PLCH1: variants seen among roughly 807,000 people sequenced by gnomAD.
PLCH1 encodes the protein 1-phosphatidylinositol 4,5-bisphosphate phosphodiesterase eta-1.
PLCH1 carries 60 observed loss-of-function variants against 126.7 expected under a neutral mutation model. The observed-to-expected ratio is 0.47, with a 90% confidence interval of 0.38 to 0.59. The LOEUF (loss-of-function observed/expected upper bound fraction) is 0.59, where lower values mean the gene tolerates loss of function less well. PLCH1 is among the 20% of genes least tolerant of loss of function. The pLI, the probability that PLCH1 is intolerant of heterozygous loss-of-function variation, is 0.00. For synonymous variants in PLCH1, 719 were observed against 734.9 expected (o/e 0.98, Z 0.35); for missense variants, 1,723 against 2,040.0 (o/e 0.84, Z 2.99).
chr3:155,527,854 A>T (rs1312295971), intron 10 of PLCH1, among the ~76,000 whole-genome samples: 1 of 150,658 alleles, frequency 6.6e-6, no homozygotes, highest in African/African-American at 2.4e-5. Context: ...TGGGAGGCAG[A>T]AGTTGCAGTG....
Position 155,485,623 on chromosome 3 carries a change from G to A in PLCH1, c.2707C>T (p.Arg903Ter). ...CGCAGAATTCTATCTCCAATGGATC[G>A]CTTCCGTACATAATGGGAATTGTTT... ...SENNSHYVRK[R>*]SIGDRILRRT... Residue 903 changes from arginine to a stop codon, truncating the protein, a stop_gained, in exon 22 of 23, where the codon CGA becomes TGA. Transcript: ENST00000460012. LOFTEE classifies it high-confidence loss of function. 2 of 1,612,748 alleles carry A rather than the reference G, an allele frequency of 1.2e-6. No individual in the cohort carries two copies. Among genetic ancestry groups the A allele is most frequent in the Non-Finnish European group, 1.7e-6 (2 of 1,179,918 alleles).
intron 12 of PLCH1, 53 bp downstream of exon 12, chr3:155,514,670 T>G (rs2108239812): frequency 1.8e-4 from 209 of 1,164,606 alleles, no homozygotes; most frequent in Non-Finnish European, 2.2e-4. Context: ...AAACAAAGTA[T>G]GAGATGCTTT....
intron 18 of PLCH1, 76 bp downstream of exon 18, chr3:155,492,653 C>G (rs1716396660): frequency 7.5e-7 from 1 of 1,342,122 alleles, no homozygotes; most frequent in Non-Finnish European, 1.0e-6. Context: ...TCTCTGAAGA[C>G]ATTTCGGATA....
At chr3:155,493,739 G>A (rs369720336) in intron 17 of PLCH1, among the ~76,000 whole-genome samples, 1 of 152,126 alleles carries the variant, frequency 6.6e-6, no homozygotes, top group African/African-American at 2.4e-5. Context: ...CTGAGTAAAA[G>A]GGCTTGATAA....
At chr3:155,573,233 C>G (rs2108550145) in intron 6 of PLCH1, among the ~76,000 whole-genome samples, 1 of 152,252 alleles carries the variant, frequency 6.6e-6, no homozygotes, top group African/African-American at 2.4e-5. Flanking sequence ...CATTGGTAAG[C>G]CTTGGTTATT....
In PLCH1 at chr3:155,493,911, C is replaced by G. The variant is rs141167156; in HGVS notation, c.2182+230G>C. On this transcript the variant is annotated intron_variant, in intron 17 of 22. Transcript: ENST00000460012. ...ATGCTATCCATGTCCCTCTTTCACA[C>G]ACGACCTCTCAAGATAACATTCTAA... is the stretch of plus-strand genomic sequence containing the variant. 5.3e-5 allele frequency among the ~76,000 whole-genome samples: 8 copies of G among 152,288 alleles called. No homozygotes were observed. The East Asian group carries it at 1.5e-3, about 29-fold the overall frequency.
intron 5 of PLCH1, 93 bp from the exon 6 acceptor site, chr3:155,583,735 C>A (rs942333053): frequency 1.2e-6 from 1 of 837,192 alleles, no homozygotes. Context: ...AGAGCTAGTA[C>A]ACAAATCCCA....
Position 155,640,093 on chromosome 3 carries a change from C to A in PLCH1, c.80-43715G>T, listed in dbSNP as rs528708351. On this transcript the variant is annotated intron_variant, in intron 2 of 22. Coordinates refer to ENST00000460012, the MANE Select transcript of PLCH1 (RefSeq NM_014996.4). ...GTACTCCTTTATAGCAATGTGAGAA[C>A]GGACTTATACAAACCTCTATCTCTG... Among the ~76,000 whole-genome samples the A allele has an allele frequency of 4.6e-5, 7 of 152,298 alleles. No individual in the cohort carries two copies. In the East Asian group the frequency reaches 1.4e-3, roughly 29 times the overall value.
At chr3:155,479,832 A>T (rs903962417), downstream of PLCH1, 18 of 152,198 alleles carry the variant, frequency 1.2e-4, no homozygotes, top group African/African-American at 3.6e-4. Flanking sequence ...TGAGTGCTTT[A>T]ACTCAATAGT....
Position 155,513,274 on chromosome 3 carries a change from A to C in PLCH1, c.1632+1449T>G, listed in dbSNP as rs376527172. 2.6e-4 allele frequency among the ~76,000 whole-genome samples: 40 copies of C among 152,306 alleles called. No individual in the cohort carries two copies. In the East Asian group the frequency reaches 5.2e-3, roughly 20 times the overall value. On this transcript the variant is annotated intron_variant, in intron 12 of 22. Coordinates refer to ENST00000460012, the MANE Select transcript of PLCH1 (RefSeq NM_014996.4). ...ACATAGCAGTGTTAAAAACCTCAAA[A>C]ATAAGTAAAAAGGAGATGAGTTTTG...
At chr3:155,619,680 T>C (rs1380893779) in intron 2 of PLCH1, among the ~76,000 whole-genome samples, 1 of 151,990 alleles carries the variant, frequency 6.6e-6, no homozygotes, top group Non-Finnish European at 1.5e-5. Context: ...CCTACCCCCA[T>C]CCAAAGCCTC....
At position 155,482,868 on chromosome 3, in the gene PLCH1, G is replaced by A; in HGVS notation, c.3158C>T (p.Pro1053Leu). Residue 1053 changes from proline (P) to leucine (L), a missense_variant, in exon 23 of 23, where the codon CCT (proline) becomes CTT (leucine). Physicochemically the swap from Pro to Leu is moderately conservative, Grantham distance 98 (BLOSUM62 -3). Coordinates refer to ENST00000460012, the MANE Select transcript of PLCH1 (RefSeq NM_014996.4). ...VTGEQLGMSS[P>L]RGGRTTSNAT... ...ATTTGATGTGGTTCTCCCACCCCTA[G>A]GACTTGACATGCCCAGCTGTTCTCC... 1 of 1,614,146 alleles carries A rather than the reference G, an allele frequency of 6.2e-7. No individual in the cohort carries two copies. Among genetic ancestry groups the A allele is most frequent in the Non-Finnish European group, 8.5e-7 (1 of 1,180,022 alleles).
Position 155,481,421 on chromosome 3 carries a change from G to A in PLCH1, c.4605C>T (p.Thr1535=), listed in dbSNP as rs374800898. 189 of 1,614,024 alleles carry A rather than the reference G, an allele frequency of 1.2e-4. No homozygotes were observed. Among genetic ancestry groups the A allele is most frequent in the Middle Eastern group, 3.3e-4 (2 of 6,084 alleles). ...AGGACACAAGCTTCCGAAGCTGCTC[G>A]GTCAGGGCATCTATAGGCTCTAACG... is the stretch of plus-strand genomic sequence containing the variant. ...TKSLEPIDAL[T]EQLRKLVSFD... The change falls in exon 23 of 23, where the codon ACC becomes ACT. Residue 1535 remains threonine (T), a synonymous_variant. Transcript: ENST00000460012. The surrounding 1 kb of genome is among the most constrained non-coding windows in gnomAD (Gnocchi z 4.2).
intron 2 of PLCH1, among the ~76,000 whole-genome samples, chr3:155,676,763 A>C (rs1397737617): frequency 1.3e-5 from 2 of 152,146 alleles, no homozygotes; most frequent in South Asian, 2.1e-4. Context: ...CACAGAAAAG[A>C]CTGGAATGTT....
chr3:155,639,465 A>T (rs148661836), intron 2 of PLCH1, among the ~76,000 whole-genome samples: 65 of 152,278 alleles, frequency 4.3e-4, no homozygotes, highest in Non-Finnish European at 8.5e-4. Context: ...TGTCTCAAAA[A>T]ATAAATAAAT....
At chr3:155,653,444 C>A (rs1052606904) in intron 2 of PLCH1, among the ~76,000 whole-genome samples, 1 of 152,178 alleles carries the variant, frequency 6.6e-6, no homozygotes, top group African/African-American at 2.4e-5. Context: ...TTATGGCCCT[C>A]TTTACCCAGT....
At chr3:155,574,412 C>G (rs1729658586) in intron 6 of PLCH1, among the ~76,000 whole-genome samples, 1 of 152,308 alleles carries the variant, frequency 6.6e-6, no homozygotes, top group Non-Finnish European at 1.5e-5. Context: ...TCAGGGGCTT[C>G]CCCTGGGCAA....
intron 6 of PLCH1, among the ~76,000 whole-genome samples, chr3:155,571,488 C>A (rs1042538542): frequency 2.5e-4 from 38 of 152,192 alleles, no homozygotes; most frequent in Non-Finnish European, 1.8e-4. Context: ...GCAACCTCTG[C>A]TTACCGCGTT....
In PLCH1 at chr3:155,660,841, T is replaced by C. The variant is rs182568139; in HGVS notation, c.79+43305A>G. On this transcript the variant is annotated intron_variant, in intron 2 of 22. Transcript: ENST00000460012. ...CTTTTCCTATGTATCTCAGGATGAGTGACTCCCCTAGAGTGACTTCATAGG... is the reference window on the plus strand; with the variant it reads ...CTTTTCCTATGTATCTCAGGATGAGCGACTCCCCTAGAGTGACTTCATAGG... 3.4e-3 allele frequency among the ~76,000 whole-genome samples: 522 copies of C among 152,300 alleles called. 4 individuals are homozygous for C. The highest frequency in any genetic ancestry group is 0.012 in the African/African-American group (510 of 41,562).
Sources: allele counts gnomAD v4.1 joint callset (sites outside exome capture counted in the v4.1 genomes callset), GRCh38; gene constraint gnomAD v4.1.1; non-coding constraint Gnocchi (gnomAD v3.1); transcripts MANE v1.5; gene names NCBI Gene and HGNC (gene_info 2026-07-23, HGNC 2026-07-21).